The following NOS1AP variants were observed in gnomAD, a reference collection of about 807,000 sequenced individuals.
NOS1AP encodes the protein carboxyl-terminal PDZ ligand of neuronal nitric oxide synthase protein.
NOS1AP carries 21 observed loss-of-function variants against 56.2 expected under a neutral mutation model. The observed-to-expected ratio is 0.37, with a 90% CI of 0.26 to 0.54. NOS1AP has a LOEUF of 0.54. Ranked by LOEUF, NOS1AP falls within the 20% of genes least tolerant of loss-of-function variation. The pLI, the probability that NOS1AP is intolerant of heterozygous loss-of-function variation, is 0.84. For missense variants in NOS1AP, 522 were observed against 657.8 expected (o/e 0.79, Z 2.26); for synonymous variants, 270 against 274.6 (o/e 0.98, Z 0.17).
intron 2 of NOS1AP, among the ~76,000 whole-genome samples, chr1:162,158,185 C>G (rs1202623704): frequency 6.6e-6 from 1 of 152,158 alleles, no homozygotes; most frequent in African/African-American, 2.4e-5. Flanking sequence ...TGGGAACTAC[C>G]TTTCTACTCT....
chr1:162,084,657 T>C (rs1691964452), intron 1 of NOS1AP, among the ~76,000 whole-genome samples: 1 of 152,056 alleles, frequency 6.6e-6, no homozygotes, highest in Non-Finnish European at 1.5e-5. Flanking sequence ...TTGGTGAGAT[T>C]GGGCCACAGT....
At chr1:162,190,534 T>C (rs1390434108) in intron 2 of NOS1AP, among the ~76,000 whole-genome samples, 4 of 152,212 alleles carry the variant, frequency 2.6e-5, no homozygotes, top group Non-Finnish European at 5.9e-5. Context: ...GATATCTTAA[T>C]ACATAGAATA....
chr1:162,176,282 T>A (rs935364347), intron 2 of NOS1AP, among the ~76,000 whole-genome samples: 1 of 152,160 alleles, frequency 6.6e-6, no homozygotes, highest in African/African-American at 2.4e-5. Context: ...TACAGAATAA[T>A]CTTACTGCCC....
chr1:162,273,160 C>CTTTTTTTTTT (rs11429407), intron 2 of NOS1AP, among the ~76,000 whole-genome samples: 3 of 106,220 alleles, frequency 2.8e-5, no homozygotes, highest in African/African-American at 3.8e-5. Context: ...AGCCCTTGTT[C>CTTTTTTTTTT]TTTTTTTTTT....
At chr1:162,364,894 A>T in intron 8 of NOS1AP, 2 of 996,960 alleles carry the variant, frequency 2.0e-6, no homozygotes, top group Non-Finnish European at 2.4e-6. Context: ...GAGAAAGATT[A>T]TATGGGCTTC....
At chr1:162,343,145 C>G (rs1205352573) in intron 5 of NOS1AP, among the ~76,000 whole-genome samples, 1 of 152,186 alleles carries the variant, frequency 6.6e-6, no homozygotes, top group African/African-American at 2.4e-5. Flanking sequence ...TCCTCTCTCT[C>G]TTCTCCTAGT....
At chr1:162,206,257 A>T (rs1652160119) in intron 2 of NOS1AP, among the ~76,000 whole-genome samples, 1 of 98,376 alleles carries the variant, frequency 1.0e-5, no homozygotes, top group African/African-American at 4.1e-5. Context: ...TTTCTCTCTT[A>T]AAAAAAAAAA....
intron 1 of NOS1AP, among the ~76,000 whole-genome samples, chr1:162,141,420 A>C (rs1347048510): frequency 2.0e-5 from 3 of 152,244 alleles, no homozygotes; most frequent in Non-Finnish European, 4.4e-5. Flanking sequence ...TCTGTAACTT[A>C]GTGACCTTGA....
rs116965646 is a variant in NOS1AP, at chr1:162,192,381, A to G, written c.177+37905A>G. On this transcript the variant is annotated intron_variant, in intron 2 of 9. Transcript: ENST00000361897. Reference sequence around the variant, plus strand: ...CAGGAAAGTTCAAAAGGGATGATGTATGGGTTTTTGTGTTGGTGTGTAGCT... The same window carrying G: ...CAGGAAAGTTCAAAAGGGATGATGTGTGGGTTTTTGTGTTGGTGTGTAGCT... Among the ~76,000 whole-genome samples the G allele has an allele frequency of 8.3e-4, 127 of 152,246 alleles. 2 individuals carry two copies. In the East Asian group the frequency reaches 0.021, roughly 25 times the overall value.
chr1:162,162,062 C>T (rs749310470), intron 2 of NOS1AP, among the ~76,000 whole-genome samples: 3 of 152,096 alleles, frequency 2.0e-5, no homozygotes, highest in Non-Finnish European at 2.9e-5. Flanking sequence ...TTTTGTTTTT[C>T]ATTTGATCCT....
intron 2 of NOS1AP, among the ~76,000 whole-genome samples, chr1:162,154,963 C>G (rs771797379): frequency 6.6e-6 from 1 of 151,930 alleles, no homozygotes. Context: ...ATAATGGAAG[C>G]TTTTATTAGA....
intron 3 of NOS1AP, among the ~76,000 whole-genome samples, chr1:162,293,839 G>A (rs1410558200): frequency 6.6e-6 from 1 of 152,212 alleles, no homozygotes; most frequent in Non-Finnish European, 1.5e-5. Context: ...CAACTTCTCT[G>A]AGCCTTAGTG....
intron 5 of NOS1AP, among the ~76,000 whole-genome samples, chr1:162,338,908 C>T (rs937423648): frequency 1.3e-5 from 2 of 152,118 alleles, no homozygotes; most frequent in African/African-American, 4.8e-5. Flanking sequence ...AATGTTGACT[C>T]CTGCTAGGTA....
At chr1:162,223,900 A>G (rs1273958501) in intron 2 of NOS1AP, among the ~76,000 whole-genome samples, 1 of 152,200 alleles carries the variant, frequency 6.6e-6, no homozygotes, top group African/African-American at 2.4e-5. Context: ...GTATGTATAT[A>G]TAATTTATTT....
chr1:162,259,646 T>G (rs1654145819), intron 2 of NOS1AP, among the ~76,000 whole-genome samples: 1 of 152,214 alleles, frequency 6.6e-6, no homozygotes, highest in Non-Finnish European at 1.5e-5. Flanking sequence ...TCAATTATGT[T>G]CATAGTGTGT....
chr1:162,192,722 A>G (rs1366748265), intron 2 of NOS1AP, among the ~76,000 whole-genome samples: 1 of 152,206 alleles, frequency 6.6e-6, no homozygotes, highest in Non-Finnish European at 1.5e-5. Flanking sequence ...TTTTAAAATA[A>G]TTTAATCTAC....
chr1:162,331,826 AGGCCCTGGGGG>A (rs71818605), intron 4 of NOS1AP, among the ~76,000 whole-genome samples: 14,824 of 152,158 alleles, frequency 0.097, 804 homozygotes, highest in South Asian at 0.16. Flanking sequence ...TCAGACCTGG[AGGCCCTGGGGG>A]GGCCCTGTCC....
At chr1:162,346,036 A>G (rs1041558046) in intron 6 of NOS1AP, among the ~76,000 whole-genome samples, 6 of 152,352 alleles carry the variant, frequency 3.9e-5, no homozygotes, top group African/African-American at 1.4e-4. Flanking sequence ...GCGGATCAGA[A>G]TGGAAACTCA....
Position 162,070,166 on chromosome 1 carries a change from C to T in NOS1AP, c.-12C>T, listed in dbSNP as rs772292588. 2 of 1,611,770 alleles carry T rather than the reference C, an allele frequency of 1.2e-6. No individual in the cohort carries two copies. The highest frequency in any genetic ancestry group is 8.5e-7 in the Non-Finnish European group (1 of 1,178,072). Reference sequence around the variant, plus strand: ...CGCCGCCTCCGAAGGAGCGGGTCCGCCGCGGGTAACCATGCCTAGCAAAAC... The same window carrying T: ...CGCCGCCTCCGAAGGAGCGGGTCCGTCGCGGGTAACCATGCCTAGCAAAAC... On this transcript the variant is annotated 5_prime_UTR_variant, in exon 1 of 10. Transcript: ENST00000361897.
Sources: gnomAD v4.1 joint callset for allele counts (sites outside exome capture counted in the v4.1 genomes callset) on GRCh38, gnomAD v4.1.1 for gene constraint, MANE v1.5 for transcripts, NCBI Gene and HGNC (gene_info 2026-07-23, HGNC 2026-07-21) for gene names.